Variants in IQCM observed in about 807,000 individuals in gnomAD.
IQCM encodes the protein IQ motif containing M.
IQCM carries 45 observed loss-of-function variants against 57.6 expected under a neutral mutation model. The ratio of observed to expected loss-of-function variants is 0.78; its 90% CI spans 0.62 to 1.00. IQCM has a LOEUF of 1.00. IQCM is among the 50% of genes least tolerant of loss of function. IQCM has a pLI of 0.00. For missense variants in IQCM, 468 were observed against 511.6 expected (o/e 0.91, Z 0.82); for synonymous variants, 148 against 158.9 (o/e 0.93, Z 0.51).
intron 2 of IQCM, among the ~76,000 whole-genome samples, chr4:149,765,532 T>C (rs1769961342): frequency 6.6e-6 from 1 of 152,070 alleles, no homozygotes; most frequent in South Asian, 2.1e-4. Context: ...GCAAGGATGA[T>C]AATAGTCCCT....
At position 149,742,699 on chromosome 4, in the gene IQCM, A is replaced by G; in HGVS notation, c.-8T>C. On this transcript the variant is annotated 5_prime_UTR_variant, in exon 3 of 14. Coordinates refer to ENST00000636793, the MANE Select transcript of IQCM (RefSeq NM_001363507.2). Reference sequence around the variant, plus strand: ...AGCCTCTTCAGTAGTCATGAGGGGCAGTTAGAATGATCTTCTTTTTTAAAG... The same window carrying G: ...AGCCTCTTCAGTAGTCATGAGGGGCGGTTAGAATGATCTTCTTTTTTAAAG... 1 of 1,231,162 alleles carries G rather than the reference A, an allele frequency of 8.1e-7. No individual in the cohort carries two copies. The allele number at this position is 1,231,162 out of a possible 1,614,324, so 76.3% of individuals were successfully genotyped here.
chr4:149,423,285 G>T (rs1206978468), intron 13 of IQCM, among the ~76,000 whole-genome samples: 1 of 151,998 alleles, frequency 6.6e-6, no homozygotes, highest in Non-Finnish European at 1.5e-5. Flanking sequence ...AGGGGAAACA[G>T]CCACTTACAA....
At chr4:149,627,472 A>G (rs1756912987) in intron 7 of IQCM, among the ~76,000 whole-genome samples, 1 of 152,228 alleles carries the variant, frequency 6.6e-6, no homozygotes, top group Non-Finnish European at 1.5e-5. Context: ...AATACTTGTT[A>G]ACACTTATTG....
At chr4:149,436,060 A>G (rs1049291427) in intron 12 of IQCM, among the ~76,000 whole-genome samples, 4 of 152,228 alleles carry the variant, frequency 2.6e-5, no homozygotes, top group African/African-American at 2.4e-5. Context: ...ACAGTAGTGT[A>G]CAGTCATGTC....
intron 6 of IQCM, among the ~76,000 whole-genome samples, chr4:149,684,157 GA>G (rs1299945421): frequency 6.6e-6 from 1 of 151,286 alleles, no homozygotes; most frequent in Non-Finnish European, 1.5e-5. Context: ...TCATCATAAA[GA>G]GTATTTTAAT....
chr4:149,667,359 T>A (rs1429821532), intron 7 of IQCM, among the ~76,000 whole-genome samples: 2 of 151,792 alleles, frequency 1.3e-5, no homozygotes, highest in East Asian at 3.9e-4. Flanking sequence ...AAAGGAAAAC[T>A]AACAAACAGA....
chr4:149,665,250 C>T (rs1760610706), intron 7 of IQCM, among the ~76,000 whole-genome samples: 1 of 152,102 alleles, frequency 6.6e-6, no homozygotes, highest in Admixed American at 6.5e-5. Context: ...AATTCAGCAG[C>T]ACAAACTCCT....
intron 2 of IQCM, among the ~76,000 whole-genome samples, chr4:149,752,123 G>A (rs1768506185): frequency 6.6e-6 from 1 of 151,990 alleles, no homozygotes; most frequent in South Asian, 2.1e-4. Flanking sequence ...AGCAAATATT[G>A]TCCACAATTA....
At position 149,679,767 on chromosome 4, in the gene IQCM, T is replaced by C. The variant is rs150432873; in HGVS notation, c.565+2351A>G. Among the ~76,000 whole-genome samples the C allele has an allele frequency of 5.9e-5, 9 of 151,558 alleles. No individual in the cohort carries two copies. In the East Asian group the frequency reaches 1.6e-3, roughly 26 times the overall value. On this transcript the variant is annotated intron_variant, in intron 7 of 13. Coordinates refer to ENST00000636793, the MANE Select transcript of IQCM (RefSeq NM_001363507.2). ...ACTATTTATATATTATCTTGTTAAA[T>C]AGACCTCAATGATTATGTCAGATAT...
chr4:149,476,985 A>G (rs917518369), intron 12 of IQCM, among the ~76,000 whole-genome samples: 5 of 152,184 alleles, frequency 3.3e-5, no homozygotes, highest in Admixed American at 3.3e-4. Flanking sequence ...AAAGACTGAA[A>G]TCTGGCCCCT....
chr4:149,580,472 A>G (rs1166542803), intron 9 of IQCM, among the ~76,000 whole-genome samples: 1 of 151,582 alleles, frequency 6.6e-6, no homozygotes, highest in East Asian at 1.9e-4. Context: ...GTCATGCTAA[A>G]CTCATTTTCT....
intron 12 of IQCM, among the ~76,000 whole-genome samples, chr4:149,493,484 G>A (rs1174814004): frequency 6.6e-6 from 1 of 151,990 alleles, no homozygotes; most frequent in African/African-American, 2.4e-5. Context: ...GTTCATCCAA[G>A]CAGGTATAGA....
At chr4:149,458,724 G>C (rs1030162720) in intron 12 of IQCM, among the ~76,000 whole-genome samples, 33 of 152,054 alleles carry the variant, frequency 2.2e-4, no homozygotes, top group Admixed American at 7.9e-4. Flanking sequence ...AGCTAATTCA[G>C]AATTTAGTAT....
At chr4:149,385,517 A>T (rs1395194292) in intron 13 of IQCM, among the ~76,000 whole-genome samples, 1 of 152,106 alleles carries the variant, frequency 6.6e-6, no homozygotes, top group East Asian at 1.9e-4. Context: ...TCAATCACAA[A>T]TTTATATAAA....
At chr4:149,754,175 T>G (rs564809576) in intron 2 of IQCM, among the ~76,000 whole-genome samples, 1 of 152,248 alleles carries the variant, frequency 6.6e-6, no homozygotes, top group East Asian at 1.9e-4. Flanking sequence ...CCCTTCAGAA[T>G]TGCCCTGTCT....
intron 12 of IQCM, among the ~76,000 whole-genome samples, chr4:149,444,548 T>C (rs1736300112): frequency 6.6e-6 from 1 of 151,934 alleles, no homozygotes; most frequent in Non-Finnish European, 1.5e-5. Flanking sequence ...TAAACGTGTA[T>C]GCAGTCCACT....
intron 13 of IQCM, among the ~76,000 whole-genome samples, chr4:149,404,206 A>G (rs1474776728): frequency 6.6e-6 from 1 of 152,062 alleles, no homozygotes; most frequent in Non-Finnish European, 1.5e-5. Flanking sequence ...ATCCAGATTT[A>G]TGGAGACAGA....
intron 13 of IQCM, among the ~76,000 whole-genome samples, chr4:149,353,647 T>G (rs1290083091): frequency 6.6e-6 from 1 of 152,130 alleles, no homozygotes; most frequent in African/African-American, 2.4e-5. Context: ...ATGAGTGAAC[T>G]TGAAAGACAT....
chr4:149,504,858 A>C (rs540117512), intron 12 of IQCM, among the ~76,000 whole-genome samples: 16 of 152,252 alleles, frequency 1.1e-4, no homozygotes, highest in Admixed American at 3.3e-4. Flanking sequence ...GGTTGCAGTG[A>C]GCTGAGATCG....
Sources: allele counts gnomAD v4.1 joint callset (sites outside exome capture counted in the v4.1 genomes callset), GRCh38; gene constraint gnomAD v4.1.1; transcripts MANE v1.5; gene names NCBI Gene and HGNC (gene_info 2026-07-23, HGNC 2026-07-21).